The following KIF21B variants were observed in gnomAD, a reference collection of about 807,000 sequenced individuals.
KIF21B encodes kinesin-like protein KIF21B.
Under a neutral mutation model 192.9 loss-of-function variants are expected in KIF21B, and 85 were observed. The ratio of observed to expected loss-of-function variants is 0.44; its 90% CI spans 0.37 to 0.53. The LOEUF is 0.53. Ranked by LOEUF, KIF21B falls within the 20% of genes least tolerant of loss-of-function variation. The probability of loss-of-function intolerance (pLI) is 0.00; values close to 1 mark genes in which losing one functional copy is unlikely to be tolerated. For missense variants in KIF21B, 1,716 were observed against 2,194.8 expected (o/e 0.78, Z 4.36); for synonymous variants, 832 against 884.6 (o/e 0.94, Z 1.05).
chr1:200,995,766 T>C (rs1208653233), intron 15 of KIF21B, among the ~76,000 whole-genome samples: 1 of 152,242 alleles, frequency 6.6e-6, no homozygotes, highest in Non-Finnish European at 1.5e-5. Context: ...ATGACTAGCC[T>C]GGAGCCTGGC....
intron 21 of KIF21B, among the ~76,000 whole-genome samples, chr1:200,989,712 G>A (rs996474642): frequency 4.6e-5 from 7 of 152,202 alleles, no homozygotes; most frequent in African/African-American, 1.2e-4. Context: ...GCCAGGCCAC[G>A]TCCCTTACAC....
At chr1:201,008,126 C>G (rs191546851) in intron 3 of KIF21B, among the ~76,000 whole-genome samples, 1 of 152,276 alleles carries the variant, frequency 6.6e-6, no homozygotes, top group East Asian at 1.9e-4. Flanking sequence ...GGGATAAGTG[C>G]CCTTACTGAG....
rs748894977 is a variant in KIF21B, at chr1:200,976,856, G to A, written c.4363C>T (p.Pro1455Ser). ...PVGKLTGHIG[P>S]VMCLTVTQTA... ...TGGGTGACCGTCAGGCACATCACAG[G>A]GCCGATGTGGCCAGTCAGCTTGCCG... Residue 1455 changes from proline to serine, a missense_variant, in exon 32 of 35, where the codon CCT (proline) becomes TCT (serine). This residue lies in a region of KIF21B where 580 missense variants were observed against 775.5 expected (regional missense o/e 0.75). Coordinates refer to ENST00000461742, the MANE Select transcript of KIF21B (RefSeq NM_001252102.2). 1.9e-6 allele frequency: 3 copies of A among 1,612,612 alleles called. No homozygotes were observed. The highest frequency in any genetic ancestry group is 1.7e-5 in the Admixed American group (1 of 59,942).
chr1:200,999,257 C>CA lies in KIF21B; in HGVS notation c.1885+91dup, dbSNP rs1025449980. The CA allele has an allele frequency of 1.3e-6, 2 of 1,489,768 alleles. No homozygotes were observed. The highest frequency in any genetic ancestry group is 1.7e-5 in the Admixed American group (1 of 59,686). The allele number at this position is 1,489,768 out of a possible 1,614,324, so 92.3% of individuals were successfully genotyped here. Reference sequence around the variant, plus strand: ...ACGTCTGGGAGTGCTGGGGCCTGGACACCATTATCTTTGAGCAGGGCCCGA... The same window carrying CA: ...ACGTCTGGGAGTGCTGGGGCCTGGACAACCATTATCTTTGAGCAGGGCCCGA... On this transcript the variant is annotated intron_variant, in intron 13 of 34. Coordinates refer to ENST00000461742, the MANE Select transcript of KIF21B (RefSeq NM_001252102.2). This position sits in a 1 kb window ranked among gnomAD's most constrained non-coding sequence, Gnocchi z 4.7.
Position 201,000,023 on chromosome 1 carries a change from G to C in KIF21B, c.1686-59C>G, listed in dbSNP as rs576284555. ...AGGCTGCCCCTGCCCTGAGCACATG[G>C]GCAGGACGGCGGCAGCGGCAGAAAA... is the stretch of plus-strand genomic sequence containing the variant. On this transcript the variant is annotated intron_variant, in intron 11 of 34. Transcript: ENST00000461742. The surrounding 1 kb of genome is among the most constrained non-coding windows in gnomAD (Gnocchi z 6.0). 1.4e-6 allele frequency: 2 copies of C among 1,479,274 alleles called. No individual in the cohort carries two copies. The highest frequency in any genetic ancestry group is 4.5e-5 in the East Asian group (2 of 44,230). 91.6% of individuals were successfully genotyped at this position (1,479,274 alleles called of 1,614,324 possible).
intron 16 of KIF21B, 21 bp downstream of exon 16, chr1:200,992,261 G>A (rs1213065471): frequency 6.2e-7 from 1 of 1,606,568 alleles, no homozygotes; most frequent in South Asian, 1.1e-5. Flanking sequence ...GCTCCTGGGA[G>A]GCTCAAGGGC....
chr1:200,999,530 C>A lies in KIF21B; in HGVS notation c.1768-64G>T. The A allele has an allele frequency of 6.3e-7, 1 of 1,579,968 alleles. No individual in the cohort carries two copies. Among genetic ancestry groups the A allele is most frequent in the East Asian group, 2.2e-5 (1 of 44,750 alleles). On this transcript the variant is annotated intron_variant, in intron 12 of 34. Coordinates refer to ENST00000461742, the MANE Select transcript of KIF21B (RefSeq NM_001252102.2). The surrounding 1 kb of genome is among the most constrained non-coding windows in gnomAD (Gnocchi z 4.7). ...AGAGGGGAGCCCAGAAGCAGAGGTG[C>A]ATCCCGACACAATGCCTCAGGTGTG...
At chr1:200,988,573 G>A in intron 22 of KIF21B, 29 bp from the exon 23 acceptor site, 2 of 1,530,500 alleles carry the variant, frequency 1.3e-6, no homozygotes, top group Non-Finnish European at 1.8e-6. Flanking sequence ...GAGGGAAAGG[G>A]GTTGAGAAGC....
In KIF21B at chr1:201,023,093, T is replaced by C. The variant is rs1658947284; in HGVS notation, c.41+250A>G. Among the ~76,000 whole-genome samples the C allele has an allele frequency of 6.6e-6, 1 of 152,250 alleles. No individual in the cohort carries two copies. The highest frequency in any genetic ancestry group is 2.4e-5 in the African/African-American group (1 of 41,472). On this transcript the variant is annotated intron_variant, in intron 1 of 34. Transcript: ENST00000461742. This position sits in a 1 kb window ranked among gnomAD's most constrained non-coding sequence, Gnocchi z 5.9. ...TTTCCTTGTTTATTCGATTTTCTGA[T>C]CATTAAGGGCTCCCAAGAGGGGCCC...
In KIF21B at chr1:200,999,783, C is replaced by T. The variant is rs192320902; in HGVS notation, c.1767+100G>A. ...GATCAACTGGATGCAGACCCAACCG[C>T]CTCCTTCACTCCATACAAGGATGCG... On this transcript the variant is annotated intron_variant, in intron 12 of 34. Coordinates refer to ENST00000461742, the MANE Select transcript of KIF21B (RefSeq NM_001252102.2). This position sits in a 1 kb window ranked among gnomAD's most constrained non-coding sequence, Gnocchi z 4.7. 7.5e-6 allele frequency: 9 copies of T among 1,196,524 alleles called. No homozygotes were observed. The Admixed American group carries it at 1.4e-4, about 18-fold the overall frequency. 74.1% of individuals were successfully genotyped at this position (1,196,524 alleles called of 1,614,324 possible).
In KIF21B at chr1:200,992,396, T is replaced by A; in HGVS notation, c.2278-7A>T. 6.2e-7 allele frequency: 1 copy of A among 1,612,112 alleles called. No homozygotes were observed. Among genetic ancestry groups the A allele is most frequent in the Non-Finnish European group, 8.5e-7 (1 of 1,179,956 alleles). On this transcript the variant is annotated splice_region_variant and splice_polypyrimidine_tract_variant and intron_variant, in intron 15 of 34. Coordinates refer to ENST00000461742, the MANE Select transcript of KIF21B (RefSeq NM_001252102.2). Reference sequence around the variant, plus strand: ...TCTGCTTCATCAGGGCCACCTGGGATGGGCAGAGATTATGGTGGTGAGACA... The same window carrying A: ...TCTGCTTCATCAGGGCCACCTGGGAAGGGCAGAGATTATGGTGGTGAGACA...
intron 27 of KIF21B, among the ~76,000 whole-genome samples, chr1:200,983,670 C>T (rs1367479282): frequency 1.3e-5 from 2 of 152,208 alleles, no homozygotes; most frequent in African/African-American, 4.8e-5. Context: ...AGACCAAGGC[C>T]TCCAGAAGAC....
rs1289736273 is a variant in KIF21B at position 201,021,313 on chromosome 1, G to A, written c.41+2030C>T. The stretch of plus-strand genomic sequence containing the variant: ...TGCCCATTGAGGTCTGGCGTGTGCC[G>A]GGGCTGGGCGCTCATGCTGGGGTGG... On this transcript the variant is annotated intron_variant, in intron 1 of 34. Coordinates refer to ENST00000461742, the MANE Select transcript of KIF21B (RefSeq NM_001252102.2). Among the ~76,000 whole-genome samples the A allele has an allele frequency of 2.6e-5, 4 of 152,254 alleles. 1 individual carries two copies. The highest frequency in any genetic ancestry group is 4.4e-5 in the Non-Finnish European group (3 of 68,048).
rs1479241198 is a variant in KIF21B, at chr1:201,023,449, A to AGCGGCT, written c.-72_-67dup. 8.9e-6 allele frequency: 11 copies of AGCGGCT among 1,232,054 alleles called. No individual in the cohort carries two copies. The African/African-American group carries it at 1.6e-4, about 18-fold the overall frequency. The allele number at this position is 1,232,054 out of a possible 1,614,324, so 76.3% of individuals were successfully genotyped here. A position where few individuals can be genotyped will look rare whatever the true frequency, so the allele number is the denominator to read the frequency against. On this transcript the variant is annotated 5_prime_UTR_variant, in exon 1 of 35. Transcript: ENST00000461742. The surrounding 1 kb of genome is among the most constrained non-coding windows in gnomAD (Gnocchi z 5.9). ...GGGTCTGGGGGCCAATGCCCGAGGC[A>AGCGGCT]GCGGCTGCGGCTGCGGGAGGCGGGG...
Position 200,990,344 on chromosome 1 carries a change from G to A in KIF21B, c.2836-12C>T. 1 of 1,594,588 alleles carries A rather than the reference G, an allele frequency of 6.3e-7. No individual in the cohort carries two copies. Among genetic ancestry groups the A allele is most frequent in the Non-Finnish European group, 8.5e-7 (1 of 1,170,840 alleles). ...AGCTCCTCCCTTTTCTGGGGTCAGA[G>A]GGGAGGGTGGTGATTGTGATGAAGG... On this transcript the variant is annotated splice_polypyrimidine_tract_variant and intron_variant, in intron 19 of 34. Coordinates refer to ENST00000461742, the MANE Select transcript of KIF21B (RefSeq NM_001252102.2). This position sits in a 1 kb window ranked among gnomAD's most constrained non-coding sequence, Gnocchi z 5.4.
At position 201,009,589 on chromosome 1, in the gene KIF21B, G is replaced by A. The variant is rs933456659; in HGVS notation, c.42-101C>T. The stretch of plus-strand genomic sequence containing the variant: ...TGCCAAGCTGCCACTTCCCCCATGA[G>A]CCAGAGGAAAAGGAAGGAAGCTTAG... On this transcript the variant is annotated intron_variant, in intron 1 of 34. Transcript: ENST00000461742. 1.5e-5 allele frequency: 18 copies of A among 1,175,746 alleles called. No homozygotes were observed. The Admixed American group carries it at 4.0e-4, about 26-fold the overall frequency. The allele number at this position is 1,175,746 out of a possible 1,614,324, so 72.8% of individuals were successfully genotyped here. A position where few individuals can be genotyped will look rare whatever the true frequency, so the allele number is the denominator to read the frequency against.
In KIF21B at chr1:200,973,497, G is replaced by T; in HGVS notation, c.*24C>A. On this transcript the variant is annotated 3_prime_UTR_variant, in exon 35 of 35. Coordinates refer to ENST00000461742, the MANE Select transcript of KIF21B (RefSeq NM_001252102.2). ...TCCAGGCTGCTGGGGTCGAGGGTCC[G>T]GGGGCATCCCTCTGACCTCACTCCT... 1 of 1,436,052 alleles carries T rather than the reference G, an allele frequency of 7.0e-7. No homozygotes were observed. Among genetic ancestry groups the T allele is most frequent in the Non-Finnish European group, 9.1e-7 (1 of 1,104,280 alleles). 89.0% of individuals were successfully genotyped at this position (1,436,052 alleles called of 1,614,324 possible).
At position 200,992,297 on chromosome 1, in the gene KIF21B, C is replaced by T; in HGVS notation, c.2370G>A (p.Glu790=). The T allele has an allele frequency of 1.9e-6, 3 of 1,612,330 alleles. No individual in the cohort carries two copies. Among genetic ancestry groups the T allele is most frequent in the Non-Finnish European group, 1.7e-6 (2 of 1,180,032 alleles). The change falls in exon 16 of 35, where the codon GAG becomes GAA. Residue 790 remains glutamate (E), a synonymous_variant. Transcript: ENST00000461742. ...CACCCCTCACCTCCTGTCGCCGCTG[C>T]TCCTTCTTGAGCTGTGCGATCTCCC... ...RNREIAQLKK[E]QRRQEFQIRA...
chr1:200,984,090 C>G (rs529861661), intron 27 of KIF21B, among the ~76,000 whole-genome samples: 3 of 152,310 alleles, frequency 2.0e-5, no homozygotes, highest in Admixed American at 1.3e-4. Context: ...CCCAGCAATG[C>G]TGGGGAGCCC....
Sources: allele counts gnomAD v4.1 joint callset (sites outside exome capture counted in the v4.1 genomes callset), GRCh38; gene constraint gnomAD v4.1.1; regional missense constraint gnomAD v4.1.1; non-coding constraint Gnocchi (gnomAD v3.1); transcripts MANE v1.5; gene names NCBI Gene and HGNC (gene_info 2026-07-23, HGNC 2026-07-21).